The following GLIS1 variants were observed in gnomAD, a reference collection of about 807,000 sequenced individuals.
The protein encoded by GLIS1 is GLIS family zinc finger 1.
A neutral mutation model predicts 63.8 loss-of-function variants in GLIS1; 24 were observed. The ratio of observed to expected loss-of-function variants is 0.38; its 90% confidence interval spans 0.27 to 0.53. The LOEUF is 0.53. Ranked by LOEUF, GLIS1 falls within the 20% of genes least tolerant of loss-of-function variation. The probability of loss-of-function intolerance (pLI) is 0.85; values close to 1 mark genes in which losing one functional copy is unlikely to be tolerated. For missense variants in GLIS1, 1,036 were observed against 1,074.1 expected (o/e 0.96, Z 0.50); for synonymous variants, 450 against 482.5 (o/e 0.93, Z 0.88).
At chr1:53,719,728 A>G (rs771454627) in intron 2 of GLIS1, among the ~76,000 whole-genome samples, 3 of 152,196 alleles carry the variant, frequency 2.0e-5, no homozygotes, top group African/African-American at 7.2e-5. Flanking sequence ...CTGTGGAGAA[A>G]GGGGGATACT....
chr1:53,722,356 A>T (rs2100552576), intron 2 of GLIS1, among the ~76,000 whole-genome samples: 1 of 152,350 alleles, frequency 6.6e-6, no homozygotes, highest in African/African-American at 2.4e-5. Flanking sequence ...GGGAAAGCTG[A>T]AAATTCTGAA....
chr1:53,596,747 C>T (rs1557471662), intron 3 of GLIS1, among the ~76,000 whole-genome samples: 1 of 151,990 alleles, frequency 6.6e-6, no homozygotes, highest in Admixed American at 6.5e-5. Context: ...TCATGAGGTA[C>T]AGGAGGGGAG....
At chr1:53,700,925 C>T (rs1646516993) in intron 2 of GLIS1, among the ~76,000 whole-genome samples, 2 of 152,244 alleles carry the variant, frequency 1.3e-5, no homozygotes, top group Non-Finnish European at 1.5e-5. Flanking sequence ...TTCTAAGGCT[C>T]ATCCGTGTTG....
intron 2 of GLIS1, among the ~76,000 whole-genome samples, chr1:53,604,955 TACACAC>T (rs58192002): frequency 0.8 from 120,402 of 149,892 alleles, 52,873 homozygotes; most frequent in Non-Finnish European, 0.98. Context: ...TATATATATA[TACACAC>T]ACACACACAC....
Position 53,514,725 on chromosome 1 carries a change from G to C in GLIS1, c.1783C>G (p.Pro595Ala), listed in dbSNP as rs1644332828. The change falls in exon 8 of 11, where the codon CCA (proline) becomes GCA (alanine). Residue 595 changes from proline to alanine, a missense_variant. Physicochemically the swap from Pro to Ala is conservative, Grantham distance 27. Around this residue, in one of 3 missense-constraint regions of GLIS1, gnomAD observed 400 missense variants for 400.9 expected, o/e 1.00. Coordinates refer to ENST00000628545, the MANE Select transcript of GLIS1 (RefSeq NM_001367484.1). ...TGCCTGGAAGGTACGTCGTGCGCTGGGGGCAGGAGGCCCGATGCAAGTCCG... is the reference window on the plus strand; with the variant it reads ...TGCCTGGAAGGTACGTCGTGCGCTGCGGGCAGGAGGCCCGATGCAAGTCCG... ...HNGLASGLLP[P>A]AHDVPSRHHP... The C allele has an allele frequency of 6.2e-7, 1 of 1,612,638 alleles. No homozygotes were observed. Among genetic ancestry groups the C allele is most frequent in the Non-Finnish European group, 8.5e-7 (1 of 1,179,384 alleles).
rs1037841560 is a variant in GLIS1 at position 53,511,981 on chromosome 1, T to A, written c.1884-1954A>T. Among the ~76,000 whole-genome samples, 1 of 152,208 alleles carries A rather than the reference T, an allele frequency of 6.6e-6. No individual in the cohort carries two copies. The highest frequency in any genetic ancestry group is 1.5e-5 in the Non-Finnish European group (1 of 68,044). The stretch of plus-strand genomic sequence containing the variant: ...CACAGTGAAAAACCAATGACACTAA[T>A]AAATGAGTTTCTGAATCTCTCAGTT... On this transcript the variant is annotated intron_variant, in intron 8 of 10. Transcript: ENST00000628545. This position sits in a 1 kb window ranked among gnomAD's most constrained non-coding sequence, Gnocchi z 4.2.
At chr1:53,556,591 A>AG (rs1644832937) in intron 4 of GLIS1, among the ~76,000 whole-genome samples, 2 of 111,642 alleles carry the variant, frequency 1.8e-5, no homozygotes, top group African/African-American at 3.7e-5. Context: ...GGTGTACTGT[A>AG]GGTTTGTGTG....
At chr1:53,704,783 C>T (rs1241131943) in intron 2 of GLIS1, among the ~76,000 whole-genome samples, 1 of 152,184 alleles carries the variant, frequency 6.6e-6, no homozygotes, top group African/African-American at 2.4e-5. Flanking sequence ...ACTTCCTCTC[C>T]AAGCACTGGC....
rs115393778 is a variant in GLIS1, at chr1:53,507,209, G to C, written c.2231-433C>G. 6.8e-3 allele frequency among the ~76,000 whole-genome samples: 1,042 copies of C among 152,298 alleles called. 7 individuals are homozygous for C. The highest frequency in any genetic ancestry group is 0.024 in the Middle Eastern group (7 of 294). On this transcript the variant is annotated intron_variant, in intron 10 of 10. Coordinates refer to ENST00000628545, the MANE Select transcript of GLIS1 (RefSeq NM_001367484.1). ...ACCAGACTCAAGAAACTCAAAGAAGGCCACCAGCATTTACTGGGCACTTAG... is the reference window on the plus strand; with the variant it reads ...ACCAGACTCAAGAAACTCAAAGAAGCCCACCAGCATTTACTGGGCACTTAG...
At chr1:53,571,228 A>T (rs981799421) in intron 4 of GLIS1, among the ~76,000 whole-genome samples, 1 of 152,250 alleles carries the variant, frequency 6.6e-6, no homozygotes, top group Non-Finnish European at 1.5e-5. Context: ...ACACCTGCCA[A>T]ACTGGCATAG....
intron 2 of GLIS1, among the ~76,000 whole-genome samples, chr1:53,709,321 TAA>T (rs1646614103): frequency 6.8e-6 from 1 of 146,210 alleles, no homozygotes; most frequent in East Asian, 2.0e-4. Context: ...ATTTACTGTA[TAA>T]ATATACACAT....
In GLIS1 at chr1:53,509,960, G is replaced by A. The variant is rs763894297; in HGVS notation, c.1951C>T (p.Pro651Ser). The change falls in exon 9 of 11, where the codon CCA becomes TCA. Residue 651 changes from proline to serine, a missense_variant. Physicochemically the swap from Pro to Ser is moderately conservative, Grantham distance 74. Around this residue, in one of 3 missense-constraint regions of GLIS1, gnomAD observed 400 missense variants for 400.9 expected, o/e 1.00. Coordinates refer to ENST00000628545, the MANE Select transcript of GLIS1 (RefSeq NM_001367484.1). ...CCCGGAGAATGGCTCTGAGAGGATG[G>A]GGGCAGCGGCGGTGGCCCCAGCCCC... The part of the protein sequence containing the change: ...LKGLGPPPLP[P>S]SSQSHSPGGQ... 7 of 1,299,376 alleles carry A rather than the reference G, an allele frequency of 5.4e-6. No homozygotes were observed. In the African/African-American group the frequency reaches 1.1e-4, roughly 20 times the overall value. 80.5% of individuals were successfully genotyped at this position (1,299,376 alleles called of 1,614,324 possible). A position where few individuals can be genotyped will look rare whatever the true frequency, so the allele number is the denominator to read the frequency against.
At chr1:53,556,959 A>G (rs1253042544) in intron 4 of GLIS1, among the ~76,000 whole-genome samples, 2 of 147,078 alleles carry the variant, frequency 1.4e-5, no homozygotes, top group Non-Finnish European at 3.0e-5. Flanking sequence ...GTGTGCAGGC[A>G]TACTGCAGGT....
intron 2 of GLIS1, among the ~76,000 whole-genome samples, chr1:53,674,080 A>G (rs966140969): frequency 1.9e-4 from 29 of 151,700 alleles, no homozygotes; most frequent in African/African-American, 7.0e-4. Flanking sequence ...GCTGAGGCAC[A>G]AGAATCGCTT....
chr1:53,512,486 C>T (rs866251119), intron 8 of GLIS1, among the ~76,000 whole-genome samples: 6 of 152,184 alleles, frequency 3.9e-5, no homozygotes, highest in Non-Finnish European at 5.9e-5. Flanking sequence ...GCTATTTAAA[C>T]GTCCCAGCAA....
rs779117975 is a variant in GLIS1, at chr1:53,514,650, G to A, written c.1858C>T (p.Pro620Ser). The part of the protein sequence containing the change: ...TSSHHHLSPL[P>S]MAESTRDGLG... ...CCATCCCGGGTGCTCTCAGCCATGG[G>A]CAGAGGGGACAGATGGTGGTGGGAA... is the stretch of plus-strand genomic sequence containing the variant. Residue 620 changes from proline (P) to serine (S), a missense_variant, in exon 8 of 11, where the codon CCC (proline) becomes TCC (serine). By Grantham distance (74) the Pro-to-Ser change is moderately conservative. This residue lies in a region of GLIS1 where 400 missense variants were observed against 400.9 expected (regional missense o/e 1.00). Coordinates refer to ENST00000628545, the MANE Select transcript of GLIS1 (RefSeq NM_001367484.1). The A allele has an allele frequency of 1.5e-5, 24 of 1,613,682 alleles. No individual in the cohort carries two copies. The highest frequency in any genetic ancestry group is 1.9e-5 in the Non-Finnish European group (23 of 1,179,904).
chr1:53,587,293 G>C (rs1362469268), intron 4 of GLIS1, among the ~76,000 whole-genome samples: 1 of 152,074 alleles, frequency 6.6e-6, no homozygotes, highest in Non-Finnish European at 1.5e-5. Context: ...TAATAATGAG[G>C]GTAGACATGA....
At chr1:53,649,221 T>C (rs760802489) in intron 2 of GLIS1, among the ~76,000 whole-genome samples, 4 of 152,230 alleles carry the variant, frequency 2.6e-5, no homozygotes, top group Non-Finnish European at 5.9e-5. Flanking sequence ...AAAGTTTAAA[T>C]GTATCCAAAT....
At chr1:53,618,229 C>T (rs1189066903) in intron 2 of GLIS1, among the ~76,000 whole-genome samples, 4 of 152,230 alleles carry the variant, frequency 2.6e-5, no homozygotes, top group Non-Finnish European at 5.9e-5. Context: ...CCCCTTCTCC[C>T]GCTGTAAGTG....
Sources: gnomAD v4.1 joint callset for allele counts (sites outside exome capture counted in the v4.1 genomes callset) on GRCh38, gnomAD v4.1.1 for gene constraint, gnomAD v4.1.1 regional missense constraint, Gnocchi (gnomAD v3.1) non-coding constraint, MANE v1.5 for transcripts, NCBI Gene and HGNC (gene_info 2026-07-23, HGNC 2026-07-21) for gene names.